Variants in MRPS27 observed in about 807,000 individuals in gnomAD.
MRPS27 encodes the protein small ribosomal subunit protein mS27.
Under a neutral mutation model 48.9 loss-of-function variants are expected in MRPS27, and 43 were observed. The observed-to-expected ratio is 0.88, with a 90% CI of 0.69 to 1.13. The LOEUF is 1.13. Ranked by LOEUF, MRPS27 falls within the 50% of genes most tolerant of loss-of-function variation. The pLI is 0.00. For missense variants in MRPS27, 467 were observed against 476.3 expected, an observed-to-expected ratio of 0.98 and a Z score of 0.18; for synonymous variants, 188 against 171.9, an observed-to-expected ratio of 1.09 and a Z score of -0.73.
intron 4 of MRPS27, among the ~76,000 whole-genome samples, chr5:72,265,072 A>G (rs536479707): frequency 1.3e-3 from 200 of 152,334 alleles, no homozygotes; most frequent in African/African-American, 4.7e-3. Flanking sequence ...TTCAAGAAAG[A>G]AGAGTTGTAG....
At chr5:72,295,078 T>A (rs1438406699) in intron 4 of MRPS27, among the ~76,000 whole-genome samples, 1 of 152,056 alleles carries the variant, frequency 6.6e-6, no homozygotes, top group African/African-American at 2.4e-5. Flanking sequence ...AATTTTCACC[T>A]ATCAGATTGG....
intron 4 of MRPS27, among the ~76,000 whole-genome samples, chr5:72,258,152 T>C (rs1031540393): frequency 6.7e-6 from 1 of 148,626 alleles, no homozygotes; most frequent in African/African-American, 2.5e-5. Flanking sequence ...CACCAGAGCA[T>C]CTATAAAGAT....
At chr5:72,241,462 G>C (rs1363748041) in intron 4 of MRPS27, 1 of 573,126 alleles carries the variant, frequency 1.7e-6, no homozygotes, top group Admixed American at 3.1e-5. Flanking sequence ...ATAAACTTAC[G>C]TGAGTGGCTA....
intron 3 of MRPS27, among the ~76,000 whole-genome samples, chr5:72,297,366 A>AGAAT (rs1452123890): frequency 6.6e-6 from 1 of 152,228 alleles, no homozygotes; most frequent in Non-Finnish European, 1.5e-5. Flanking sequence ...ATCATACAGC[A>AGAAT]GAATGTCATA....
chr5:72,248,445 T>C (rs970437531), intron 4 of MRPS27, among the ~76,000 whole-genome samples: 1 of 152,190 alleles, frequency 6.6e-6, no homozygotes, highest in African/African-American at 2.4e-5. Flanking sequence ...CAAAAGCTTT[T>C]AGGCTGGCCC....
chr5:72,320,023 C>A, intron 1 of MRPS27, 126 bp downstream of exon 1: 2 of 964,686 alleles, frequency 2.1e-6, no homozygotes, highest in South Asian at 2.9e-5. Flanking sequence ...TCTGCACTAC[C>A]AAACACCCCA....
At chr5:72,271,325 C>A (rs897665748) in intron 4 of MRPS27, among the ~76,000 whole-genome samples, 1 of 152,144 alleles carries the variant, frequency 6.6e-6, no homozygotes, top group Non-Finnish European at 1.5e-5. Flanking sequence ...AACTCTCTAG[C>A]AGCAAGCAAC....
At chr5:72,243,817 T>C (rs1318991854) in intron 4 of MRPS27, among the ~76,000 whole-genome samples, 3 of 152,180 alleles carry the variant, frequency 2.0e-5, no homozygotes, top group Non-Finnish European at 4.4e-5. Context: ...AGAGATACAA[T>C]GTACAAACAA....
At chr5:72,305,603 A>G (rs1003909890) in intron 2 of MRPS27, among the ~76,000 whole-genome samples, 5 of 152,258 alleles carry the variant, frequency 3.3e-5, no homozygotes, top group African/African-American at 9.6e-5. Context: ...AATGTGTCCT[A>G]TACTTTGTGA....
At chr5:72,231,454 A>G (rs1015749523) in intron 7 of MRPS27, among the ~76,000 whole-genome samples, 1 of 152,136 alleles carries the variant, frequency 6.6e-6, no homozygotes, top group African/African-American at 2.4e-5. Context: ...AGTGTTCATG[A>G]TAGTCATAGT....
In MRPS27 at chr5:72,234,188, C is replaced by A; in HGVS notation, c.406G>T (p.Gly136Ter). The change falls in exon 6 of 11, where the codon GGA (glycine) becomes TGA (stop). Residue 136 changes from glycine to a stop codon, truncating the protein, a stop_gained. Coordinates refer to ENST00000261413, the MANE Select transcript of MRPS27 (RefSeq NM_015084.3). LOFTEE classifies it high-confidence loss of function. ...AATGTAAAGTTATCTGGAAAAATTC[C>A]ATATTGAACCTATAATGAAAATGAA... ...LYTLVNKVQY[G>*]IFPDNFTFNL... 6.7e-7 allele frequency: 1 copy of A among 1,496,634 alleles called. No homozygotes were observed. The highest frequency in any genetic ancestry group is 2.6e-5 in the East Asian group (1 of 38,920). 92.7% of individuals were successfully genotyped at this position (1,496,634 alleles called of 1,614,324 possible).
At chr5:72,287,008 G>T (rs529664402) in intron 4 of MRPS27, among the ~76,000 whole-genome samples, 38 of 152,310 alleles carry the variant, frequency 2.5e-4, no homozygotes, top group Non-Finnish European at 4.3e-4. Flanking sequence ...GGAACTGGGC[G>T]GCACAGTAGG....
At chr5:72,288,174 G>A (rs1233570421) in intron 4 of MRPS27, among the ~76,000 whole-genome samples, 2 of 151,834 alleles carry the variant, frequency 1.3e-5, no homozygotes, top group East Asian at 1.9e-4. Flanking sequence ...CCAGTGGGAA[G>A]AGAAGTAGAG....
At chr5:72,244,592 TTAAG>T (rs1748455979) in intron 4 of MRPS27, among the ~76,000 whole-genome samples, 1 of 152,224 alleles carries the variant, frequency 6.6e-6, no homozygotes, top group Non-Finnish European at 1.5e-5. Flanking sequence ...TCTGCTTCAT[TTAAG>T]TATTTACTGA....
chr5:72,252,771 T>A (rs1271005327), intron 4 of MRPS27, among the ~76,000 whole-genome samples: 1 of 152,130 alleles, frequency 6.6e-6, no homozygotes, highest in Non-Finnish European at 1.5e-5. Flanking sequence ...GAAAACAACA[T>A]GTTCTCATCT....
At chr5:72,282,732 T>C (rs1749561896) in intron 4 of MRPS27, among the ~76,000 whole-genome samples, 1 of 152,160 alleles carries the variant, frequency 6.6e-6, no homozygotes, top group Non-Finnish European at 1.5e-5. Context: ...CAAGTACATA[T>C]GTATAAAAAT....
At chr5:72,226,279 T>A in intron 8 of MRPS27, 80 bp from the exon 9 acceptor site, 2 of 1,544,640 alleles carry the variant, frequency 1.3e-6, no homozygotes, top group Non-Finnish European at 1.8e-6. Flanking sequence ...AAGGCCCAAG[T>A]GAATGTTCAC....
At chr5:72,281,921 A>G (rs1377675298) in intron 4 of MRPS27, among the ~76,000 whole-genome samples, 1 of 152,236 alleles carries the variant, frequency 6.6e-6, no homozygotes, top group African/African-American at 2.4e-5. Context: ...CAGCCAGTGC[A>G]TAATGAATAC....
intron 4 of MRPS27, among the ~76,000 whole-genome samples, chr5:72,270,319 T>C (rs1749205063): frequency 6.6e-6 from 1 of 151,274 alleles, no homozygotes; most frequent in Non-Finnish European, 1.5e-5. Flanking sequence ...GGCTATTCCT[T>C]AAATCAGTAA....
Sources: gnomAD v4.1 joint callset for allele counts (sites outside exome capture counted in the v4.1 genomes callset) on GRCh38, gnomAD v4.1.1 for gene constraint, MANE v1.5 for transcripts, NCBI Gene and HGNC (gene_info 2026-07-23, HGNC 2026-07-21) for gene names.